Variants in FMN1 observed in about 807,000 individuals in gnomAD.
FMN1 encodes formin 1, also known as formin-1.
FMN1 carries 110 observed loss-of-function variants against 132.4 expected under a neutral mutation model. The observed-to-expected ratio is 0.83, with a 90% CI of 0.71 to 0.97. The LOEUF (loss-of-function observed/expected upper bound fraction) is 0.97. Among genes scored for constraint, FMN1 ranks in the 50% least tolerant of loss-of-function variants. The probability of loss-of-function intolerance (pLI) is 0.00; values close to 1 mark genes in which losing one functional copy is unlikely to be tolerated. For missense variants in FMN1, 1,792 were observed against 1,705.3 expected (o/e 1.05, Z -0.90); for synonymous variants, 722 against 651.7 (o/e 1.11, Z -1.64).
intron 9 of FMN1, among the ~76,000 whole-genome samples, chr15:32,934,961 C>T (rs761066931): frequency 1.3e-5 from 2 of 149,202 alleles, no homozygotes; most frequent in Non-Finnish European, 1.5e-5. Context: ...CTTGCTCTGT[C>T]GCCCAGACAG....
At chr15:33,166,560 C>A (rs1193376008) in intron 3 of FMN1, among the ~76,000 whole-genome samples, 2 of 152,062 alleles carry the variant, frequency 1.3e-5, no homozygotes, top group African/African-American at 2.4e-5. Flanking sequence ...AGAAAAAATT[C>A]ATATCCCATC....
chr15:33,110,882 G>C (rs1056224382), intron 4 of FMN1, among the ~76,000 whole-genome samples: 1 of 151,988 alleles, frequency 6.6e-6, no homozygotes, highest in Non-Finnish European at 1.5e-5. Flanking sequence ...TTGGCATGCA[G>C]TATATTTTTA....
intron 19 of FMN1, among the ~76,000 whole-genome samples, chr15:32,783,369 A>AAAGT: frequency 6.6e-6 from 1 of 152,132 alleles, no homozygotes; most frequent in Non-Finnish European, 1.5e-5. Context: ...GCTGCCAAAG[A>AAAGT]CTACTGAGGA....
At position 32,969,247 on chromosome 15, in the gene FMN1, A is replaced by C. The variant is rs749512901; in HGVS notation, c.2454T>G (p.Ser818Arg). The C allele has an allele frequency of 6.2e-7, 1 of 1,613,768 alleles. No individual in the cohort carries two copies. Among genetic ancestry groups the C allele is most frequent in the Admixed American group, 1.7e-5 (1 of 59,994 alleles). Residue 818 changes from serine to arginine, a missense_variant, in exon 8 of 21, where the codon AGT becomes AGG. By Grantham distance (110) the Ser-to-Arg change is moderately radical. This residue lies in a region of FMN1 where 1,150 missense variants were observed against 1,043.1 expected (regional missense o/e 1.10). Transcript: ENST00000616417. ...DRETFLKPCE[S>R]ESKTTRSNQL... is the part of the protein sequence containing the mutation. Reference sequence around the variant, plus strand: ...GATTACTTCTGGTTGTCTTGCTTTCACTTTCACAGGGCTTGAGGAAGGTCT... The same window carrying C: ...GATTACTTCTGGTTGTCTTGCTTTCCCTTTCACAGGGCTTGAGGAAGGTCT...
At chr15:32,996,919 AT>A (rs1372477940) in intron 7 of FMN1, among the ~76,000 whole-genome samples, 237 of 152,302 alleles carry the variant, frequency 1.6e-3, no homozygotes, top group African/African-American at 5.4e-3. Context: ...ATCAGGGACT[AT>A]ACTGGAGAAG....
rs1027203927 is a variant in FMN1, at chr15:32,857,030, C to G, written c.3913G>C (p.Glu1305Gln). Residue 1305 changes from glutamate (E) to glutamine (Q), a missense_variant, in exon 17 of 21, where the codon GAG becomes CAG. Physicochemically the swap from Glu to Gln is conservative, Grantham distance 29 (BLOSUM62 2). Around this residue, in one of 3 missense-constraint regions of FMN1, gnomAD observed 1,150 missense variants for 1,043.1 expected, o/e 1.10. Coordinates refer to ENST00000616417, the MANE Select transcript of FMN1 (RefSeq NM_001277313.2). ...AGCTTCCTACCTTTTTGGAAGAACTCCTCTAGTTTGTCCTTGAAAGGCTGG... is the reference window on the plus strand; with the variant it reads ...AGCTTCCTACCTTTTTGGAAGAACTGCTCTAGTTTGTCCTTGAAAGGCTGG... The part of the protein sequence containing the change: ...YLQPFKDKLE[E>Q]FFQKAKKEHK... 4 of 1,612,710 alleles carry G rather than the reference C, an allele frequency of 2.5e-6. No homozygotes were observed. The highest frequency in any genetic ancestry group is 3.4e-6 in the Non-Finnish European group (4 of 1,178,758).
intron 4 of FMN1, among the ~76,000 whole-genome samples, chr15:33,123,185 C>T (rs954837254): frequency 6.6e-6 from 1 of 151,646 alleles, no homozygotes; most frequent in Non-Finnish European, 1.5e-5. Context: ...TATTTCCAGG[C>T]CCAATTCAAG....
chr15:32,843,667 A>G (rs527861879), intron 17 of FMN1, among the ~76,000 whole-genome samples: 9 of 152,274 alleles, frequency 5.9e-5, no homozygotes, highest in African/African-American at 1.7e-4. Context: ...GGATGGTGCA[A>G]TGAGCTCAGT....
At chr15:33,166,543 C>A (rs929076542) in intron 3 of FMN1, among the ~76,000 whole-genome samples, 1 of 152,064 alleles carries the variant, frequency 6.6e-6, no homozygotes, top group South Asian at 2.1e-4. Context: ...GAAGTAGATA[C>A]CTTCTAAGAA....
At chr15:32,902,607 C>T (rs1251846886) in intron 12 of FMN1, among the ~76,000 whole-genome samples, 3 of 152,202 alleles carry the variant, frequency 2.0e-5, no homozygotes, top group Non-Finnish European at 4.4e-5. Context: ...AACTTACACA[C>T]ATAGACATAG....
In FMN1 at chr15:33,153,737, T is replaced by TC. The variant is rs774211413; in HGVS notation, c.1177dup (p.Asp393GlyfsTer2). ...CCCGGCTGGCGACTGCGATGACCTA[T>TC]CCCCTTGCCGCTCCTTGCCCTGCCG... is the stretch of plus-strand genomic sequence containing the variant. On this transcript the variant is annotated frameshift_variant, in exon 4 of 21. Coordinates refer to ENST00000616417, the MANE Select transcript of FMN1 (RefSeq NM_001277313.2). LOFTEE classifies it high-confidence loss of function. 10 of 1,536,062 alleles carry TC rather than the reference T, an allele frequency of 6.5e-6. No homozygotes were observed. The highest frequency in any genetic ancestry group is 1.4e-5 in the African/African-American group (1 of 73,036).
At chr15:33,116,786 A>G (rs2039944829) in intron 4 of FMN1, among the ~76,000 whole-genome samples, 1 of 152,104 alleles carries the variant, frequency 6.6e-6, no homozygotes, top group Non-Finnish European at 1.5e-5. Flanking sequence ...TAGTCGACAA[A>G]GTATAGGCCT....
Position 33,153,036 on chromosome 15 carries a change from A to T in FMN1, c.1867+12T>A. On this transcript the variant is annotated intron_variant, in intron 4 of 20. Transcript: ENST00000616417. ...CAAGAATAGATTCAAAGCATCTTAA[A>T]CAGAGACTAACCTGGAGGTGACTGG... The T allele has an allele frequency of 1.3e-6, 2 of 1,497,360 alleles. No individual in the cohort carries two copies. Among genetic ancestry groups the T allele is most frequent in the Non-Finnish European group, 1.8e-6 (2 of 1,130,730 alleles). The allele number at this position is 1,497,360 out of a possible 1,614,324, so 92.8% of individuals were successfully genotyped here.
In FMN1 at chr15:33,105,185, T is replaced by C. The variant is rs535170808; in HGVS notation, c.1868-16211A>G. Among the ~76,000 whole-genome samples the C allele has an allele frequency of 3.9e-5, 6 of 152,218 alleles. No homozygotes were observed. The East Asian group carries it at 9.6e-4, about 24-fold the overall frequency. The stretch of plus-strand genomic sequence containing the variant: ...TCTAAGACAGGTGCTCTCTGTGCTC[T>C]GGATGTTTCATTACTAAATGGAGCT... On this transcript the variant is annotated intron_variant, in intron 4 of 20. Coordinates refer to ENST00000616417, the MANE Select transcript of FMN1 (RefSeq NM_001277313.2).
chr15:33,160,607 T>C (rs1017716386), intron 3 of FMN1, among the ~76,000 whole-genome samples: 10 of 152,216 alleles, frequency 6.6e-5, no homozygotes, highest in African/African-American at 2.4e-4. Flanking sequence ...TTAAATACAC[T>C]GGCATTGCAA....
At chr15:33,155,574 G>C (rs1461878254) in intron 3 of FMN1, among the ~76,000 whole-genome samples, 1 of 152,164 alleles carries the variant, frequency 6.6e-6, no homozygotes, top group African/African-American at 2.4e-5. Flanking sequence ...AAAGATCTTA[G>C]GCCCCAAATT....
intron 5 of FMN1, among the ~76,000 whole-genome samples, chr15:33,079,801 G>A (rs1348077510): frequency 6.6e-6 from 1 of 152,166 alleles, no homozygotes; most frequent in East Asian, 1.9e-4. Flanking sequence ...TGGTTAACTT[G>A]CATGTGAATT....
chr15:32,785,218 A>ATATTTTTTTTTTTTTTT (rs1444523400), intron 19 of FMN1, among the ~76,000 whole-genome samples: 1 of 39,208 alleles, frequency 2.6e-5, no homozygotes, highest in Non-Finnish European at 4.5e-5. Flanking sequence ...ATATATATAT[A>ATATTTTTTTTTTTTTTT]TTTTTTTTTT....
In FMN1 at chr15:32,996,696, G is replaced by C. The variant is rs78951310; in HGVS notation, c.2223+11318C>G. ...AGAGGAAGCTACAACAAATTGCAGT[G>C]AAATGGTCAAAGCACACATAATGTT... On this transcript the variant is annotated intron_variant, in intron 7 of 20. Coordinates refer to ENST00000616417, the MANE Select transcript of FMN1 (RefSeq NM_001277313.2). Among the ~76,000 whole-genome samples, 210 of 152,280 alleles carry C rather than the reference G, an allele frequency of 1.4e-3. 1 individual carries two copies. The highest frequency in any genetic ancestry group is 4.9e-3 in the African/African-American group (204 of 41,556).
Sources: allele counts gnomAD v4.1 joint callset (sites outside exome capture counted in the v4.1 genomes callset), GRCh38; gene constraint gnomAD v4.1.1; regional missense constraint gnomAD v4.1.1; transcripts MANE v1.5; gene names NCBI Gene and HGNC (gene_info 2026-07-23, HGNC 2026-07-21).